The following UNC13A variants were observed in gnomAD, a reference collection of about 807,000 sequenced individuals.
UNC13A encodes the protein protein unc-13 homolog A.
A neutral mutation model predicts 219.7 loss-of-function variants in UNC13A; 61 were observed. The observed-to-expected ratio is 0.28, with a 90% CI of 0.23 to 0.34. The LOEUF (loss-of-function observed/expected upper bound fraction) is 0.34, where lower values mean the gene tolerates loss of function less well. Ranked by LOEUF, UNC13A falls within the 10% of genes least tolerant of loss-of-function variation. The probability of loss-of-function intolerance (pLI) is 1.00; values close to 1 mark genes in which losing one functional copy is unlikely to be tolerated. For missense variants in UNC13A, 1,476 were observed against 2,270.3 expected (o/e 0.65, Z 7.11); for synonymous variants, 920 against 884.6 (o/e 1.04, Z -0.71).
intron 12 of UNC13A, among the ~76,000 whole-genome samples, chr19:17,651,586 C>A (rs1452954160): frequency 6.6e-6 from 1 of 152,142 alleles, no homozygotes; most frequent in East Asian, 1.9e-4. Context: ...CCAGACAAGC[C>A]CTGCAGGGCT....
rs1208216243 is a variant in UNC13A, at chr19:17,602,692, C to A, written c.*3362G>T. The stretch of plus-strand genomic sequence containing the variant: ...CTCCTTGTCTTTTCTCTGTCCGTGT[C>A]TCAGCCATGTCCACTCTCTGTCCCA... On this transcript the variant is annotated 3_prime_UTR_variant, in exon 44 of 44. Transcript: ENST00000519716. The A allele has an allele frequency of 6.6e-6, 1 of 152,406 alleles. No homozygotes were observed. Among genetic ancestry groups the A allele is most frequent in the Non-Finnish European group, 1.5e-5 (1 of 68,164 alleles). The allele number at this position is 152,406 out of a possible 1,614,324, so 9.4% of individuals were successfully genotyped here.
chr19:17,680,889 C>CTTTTTTTTTTTTTT lies in UNC13A; in HGVS notation c.23-4862_23-4849dup. Among the ~76,000 whole-genome samples the CTTTTTTTTTTTTTT allele has an allele frequency of 2.9e-3, 143 of 48,702 alleles. 26 individuals are homozygous for CTTTTTTTTTTTTTT. Among genetic ancestry groups the CTTTTTTTTTTTTTT allele is most frequent in the Non-Finnish European group, 4.0e-3 (110 of 27,166 alleles). The allele number at this position is 48,702 out of a possible 152,430, so 32.0% of individuals were successfully genotyped here. ...TTCTTCTTTTTTTTTCTTTTCTTTTCTTTTTTTTTTTTTTTTTTTTTTTGA... is the reference window on the plus strand; with the variant it reads ...TTCTTCTTTTTTTTTCTTTTCTTTTCTTTTTTTTTTTTTTTTTTTTTTTTTTTTTTTTTTTTTGA... On this transcript the variant is annotated intron_variant, in intron 1 of 43. Transcript: ENST00000519716.
chr19:17,672,711 C>T (rs1278507021), intron 3 of UNC13A, among the ~76,000 whole-genome samples: 1 of 152,078 alleles, frequency 6.6e-6, no homozygotes, highest in Non-Finnish European at 1.5e-5. Flanking sequence ...CACAAAAGAA[C>T]CAGGATTCAA....
chr19:17,602,852 G>A lies in UNC13A; in HGVS notation c.*3202C>T, dbSNP rs1362451345. The A allele has an allele frequency of 2.6e-5, 4 of 152,250 alleles. No individual in the cohort carries two copies. Among genetic ancestry groups the A allele is most frequent in the Non-Finnish European group, 4.4e-5 (3 of 68,114 alleles). The allele number at this position is 152,250 out of a possible 1,614,324, so 9.4% of individuals were successfully genotyped here. A position where few individuals can be genotyped will look rare whatever the true frequency, so the allele number is the denominator to read the frequency against. Reference sequence around the variant, plus strand: ...CTGCCCCAATACATAATTCCACTAGGCGTAGACTCCCTGTCACCCACTTGT... The same window carrying A: ...CTGCCCCAATACATAATTCCACTAGACGTAGACTCCCTGTCACCCACTTGT... On this transcript the variant is annotated 3_prime_UTR_variant, in exon 44 of 44. Transcript: ENST00000519716.
rs777663703 is a variant in UNC13A at position 17,624,855 on chromosome 19, C to T, written c.4171G>A (p.Val1391Ile). 1.4e-5 allele frequency: 22 copies of T among 1,613,642 alleles called. No individual in the cohort carries two copies. Among genetic ancestry groups the T allele is most frequent in the South Asian group, 6.6e-5 (6 of 91,072 alleles). Residue 1391 changes from valine to isoleucine, a missense_variant, in exon 35 of 44, where the codon GTC becomes ATC. Val to Ile is a conservative substitution (Grantham distance 29). Transcript: ENST00000519716. ...GTCTGGTCAGTGAGGGGCGGCAGGA[C>T]GATGGTTTTCTCCATGGTGTTCATA... ...LVMNTMEKTI[V>I]LPPLTDQTMI...
At chr19:17,629,419 C>A in intron 30 of UNC13A, 96 bp from the exon 31 acceptor site, 1 of 1,146,606 alleles carries the variant, frequency 8.7e-7, no homozygotes. Flanking sequence ...AGTGATGAAC[C>A]CAAACCCTAT....
At chr19:17,682,421 T>C (rs1446474420) in intron 1 of UNC13A, among the ~76,000 whole-genome samples, 1 of 152,210 alleles carries the variant, frequency 6.6e-6, no homozygotes. Context: ...ATGCAGAGGA[T>C]GTGAGACTTG....
At chr19:17,626,413 C>T in intron 34 of UNC13A, 1 of 507,616 alleles carries the variant, frequency 2.0e-6, no homozygotes, top group Non-Finnish European at 3.5e-6. Flanking sequence ...CCTATTCATC[C>T]ACCATTCATT....
chr19:17,648,379 CCCGGGGCTCCCCACG>C, intron 16 of UNC13A, 37 bp downstream of exon 16: 1 of 1,450,576 alleles, frequency 6.9e-7, no homozygotes, highest in Non-Finnish European at 9.1e-7. Context: ...CCATGCAAGC[CCCGGGGCTCCCCACG>C]CCAACCCGTG....
Position 17,647,398 on chromosome 19 carries a change from G to C in UNC13A, c.1911C>G (p.Asn637Lys). ...LKDRMKIRER[N>K]KPEIFELIQE... ...GGATGAGCTCGAAGATCTCGGGCTT[G>C]TTGCGCTCCCGGATCTTCATGCGGT... is the stretch of plus-strand genomic sequence containing the variant. The change falls in exon 17 of 44, where the codon AAC becomes AAG. Residue 637 changes from asparagine (N) to lysine (K), a missense_variant. Asn to Lys is a moderately conservative substitution (Grantham distance 94). Around this residue, in one of 14 missense-constraint regions of UNC13A, gnomAD observed 34 missense variants for 38.7 expected, o/e 0.88. Transcript: ENST00000519716. 6.2e-7 allele frequency: 1 copy of C among 1,613,758 alleles called. No individual in the cohort carries two copies. The highest frequency in any genetic ancestry group is 8.5e-7 in the Non-Finnish European group (1 of 1,179,832).
At chr19:17,669,389 TC>T (rs1284154810) in intron 5 of UNC13A, among the ~76,000 whole-genome samples, 163 bp downstream of exon 5, 1 of 152,096 alleles carries the variant, frequency 6.6e-6, no homozygotes, top group African/African-American at 2.4e-5. Flanking sequence ...ACATCCCTGT[TC>T]TCTGCAACCC....
intron 9 of UNC13A, among the ~76,000 whole-genome samples, chr19:17,657,163 A>G (rs1053326978): frequency 6.6e-6 from 1 of 152,044 alleles, no homozygotes; most frequent in Non-Finnish European, 1.5e-5. Flanking sequence ...ATGGCTCCCT[A>G]GTGCCTTGGA....
At chr19:17,631,179 TTTCCTTCCTTCCC>T (rs1465014761) in intron 28 of UNC13A, among the ~76,000 whole-genome samples, 19 of 6,872 alleles carry the variant, frequency 2.8e-3, no homozygotes, top group African/African-American at 0.012. Flanking sequence ...CCCTCCCTCC[TTTCCTTCCTTCCC>T]TCCCTCCCTC....
At chr19:17,643,538 C>T (rs1373034563) in intron 19 of UNC13A, among the ~76,000 whole-genome samples, 2 of 152,196 alleles carry the variant, frequency 1.3e-5, no homozygotes, top group African/African-American at 2.4e-5. Context: ...AGGCTGGTCT[C>T]GAACTCCTGA....
rs1232776191 is a variant in UNC13A, at chr19:17,688,322, C to T, written c.-123G>A. On this transcript the variant is annotated 5_prime_UTR_variant, in exon 1 of 44. Coordinates refer to ENST00000519716, the MANE Select transcript of UNC13A (RefSeq NM_001080421.3). ...CGCTTGGCTCACGCCGGGGCCCGGC[C>T]GCCACCGGCCATCTTGGTTCAGCAC... The T allele has an allele frequency of 6.8e-6, 9 of 1,321,632 alleles. No individual in the cohort carries two copies. Among genetic ancestry groups the T allele is most frequent in the African/African-American group, 1.6e-5 (1 of 64,162 alleles). 81.9% of individuals were successfully genotyped at this position (1,321,632 alleles called of 1,614,324 possible).
chr19:17,606,393 T>A, intron 43 of UNC13A, 39 bp from the exon 44 acceptor site: 1 of 1,531,768 alleles, frequency 6.5e-7, no homozygotes, highest in Non-Finnish European at 8.7e-7. Context: ...AGGCCACACC[T>A]ACTGTGATGC....
intron 20 of UNC13A, 49 bp downstream of exon 20, chr19:17,642,796 G>A (rs1399302562): frequency 6.7e-7 from 1 of 1,488,540 alleles, no homozygotes; most frequent in South Asian, 1.2e-5. Flanking sequence ...TGGGCAGGCA[G>A]GAATGGTGAG....
At chr19:17,634,299 C>G (rs920060718) in intron 26 of UNC13A, among the ~76,000 whole-genome samples, 5 of 152,094 alleles carry the variant, frequency 3.3e-5, no homozygotes, top group African/African-American at 7.2e-5. Flanking sequence ...CAGCTATCCA[C>G]CCATCCATTT....
rs375789223 is a variant in UNC13A, at chr19:17,645,705, G to T, written c.2325C>A (p.Leu775=). 2 of 1,614,230 alleles carry T rather than the reference G, an allele frequency of 1.2e-6. No individual in the cohort carries two copies. Among genetic ancestry groups the T allele is most frequent in the Non-Finnish European group, 1.7e-6 (2 of 1,180,046 alleles). Residue 775 remains leucine, a synonymous_variant, in exon 19 of 44, where the codon CTC becomes CTA. Transcript: ENST00000519716. The part of the protein sequence containing the change: ...LGQTIIEVRT[L]SGEMDVWYNL... ...TGTACCACACGTCCATCTCGCCGCT[G>T]AGCGTCCGCACCTCAATGATCGTCT...
Sources: allele counts gnomAD v4.1 joint callset (sites outside exome capture counted in the v4.1 genomes callset), GRCh38; gene constraint gnomAD v4.1.1; regional missense constraint gnomAD v4.1.1; transcripts MANE v1.5; gene names NCBI Gene and HGNC (gene_info 2026-07-23, HGNC 2026-07-21).